Variants in PDE11A observed in about 807,000 individuals in gnomAD.
PDE11A encodes phosphodiesterase 11A.
In PDE11A, 100 loss-of-function variants were observed where a neutral mutation model predicts 100.5. That is an observed-to-expected ratio of 1.00 (90% CI 0.85 to 1.18). The LOEUF (loss-of-function observed/expected upper bound fraction) is 1.18, where lower values mean the gene tolerates loss of function less well. PDE11A is among the 50% of genes most tolerant of loss of function. The pLI is 0.00. For missense variants in PDE11A, 1,141 were observed against 1,152.6 expected (o/e 0.99, Z 0.15); for synonymous variants, 381 against 420.8 (o/e 0.91, Z 1.16).
At chr2:177,876,003 T>G in intron 4 of PDE11A, 80 bp from the exon 5 acceptor site, 1 of 837,622 alleles carries the variant, frequency 1.2e-6, no homozygotes, top group Non-Finnish European at 2.1e-6. Context: ...CATTTTCATC[T>G]TTATAATGAT....
intron 6 of PDE11A, among the ~76,000 whole-genome samples, chr2:177,820,590 G>A (rs1201416496): frequency 1.3e-5 from 2 of 151,824 alleles, no homozygotes; most frequent in Non-Finnish European, 2.9e-5. Flanking sequence ...TCTTGATCAT[G>A]ACCACACCAC....
intron 5 of PDE11A, among the ~76,000 whole-genome samples, chr2:177,845,584 C>T (rs1263806505): frequency 2.7e-5 from 4 of 149,372 alleles, no homozygotes; most frequent in Admixed American, 1.3e-4. Flanking sequence ...ACATCTCAGA[C>T]GATGGGTGGC....
At chr2:177,870,944 T>C (rs930565299) in intron 5 of PDE11A, among the ~76,000 whole-genome samples, 1 of 152,200 alleles carries the variant, frequency 6.6e-6, no homozygotes, top group Admixed American at 6.5e-5. Context: ...GAACCTCTTT[T>C]AGTTCTAATT....
rs1052765910 is a variant in PDE11A at position 177,773,024 on chromosome 2, A to C, written c.1738-3651T>G. Among the ~76,000 whole-genome samples the C allele has an allele frequency of 1.6e-4, 24 of 151,904 alleles. No homozygotes were observed. The East Asian group carries it at 3.1e-3, about 20-fold the overall frequency. ...TTAAATTGCTATCGTTTCACATATT[A>C]TTTCTTTCTTTTTTTTTGAAGAGTC... On this transcript the variant is annotated intron_variant, in intron 9 of 19. Transcript: ENST00000286063.
At position 177,675,389 on chromosome 2, in the gene PDE11A, A is replaced by C. The variant is rs534808435; in HGVS notation, c.2487+66T>G. 90 of 1,093,100 alleles carry C rather than the reference A, an allele frequency of 8.2e-5. 1 individual carries two copies. In the South Asian group the frequency reaches 9.9e-4, roughly 12 times the overall value. 67.7% of individuals were successfully genotyped at this position (1,093,100 alleles called of 1,614,324 possible). On this transcript the variant is annotated intron_variant, in intron 17 of 19. Transcript: ENST00000286063. ...GTGCCTGGTAGTCAGGGCTCTGGGA[A>C]TATTGTGTCCCCCTTACGCCCCCCA...
At position 178,072,356 on chromosome 2, in the gene PDE11A, G is replaced by T. The variant is rs1427410936; in HGVS notation, c.82C>A (p.Arg28=). 4.3e-6 allele frequency: 7 copies of T among 1,613,784 alleles called. No individual in the cohort carries two copies. The African/African-American group carries it at 5.3e-5, about 12-fold the overall frequency. ...TCAACCATCTCCTGCTTCCCCTTCC[G>T]CATCAAGTAATCTTCAAACAACTCT... ...HPELFEDYLM[R]KGKQEMVEKW... is the part of the protein sequence containing the mutation. Residue 28 remains arginine (R), a synonymous_variant, in exon 1 of 20, where the codon CGG becomes AGG. Transcript: ENST00000286063.
At chr2:177,653,153 G>GAGA (rs1392684582) in intron 19 of PDE11A, among the ~76,000 whole-genome samples, 1 of 152,192 alleles carries the variant, frequency 6.6e-6, no homozygotes, top group Non-Finnish European at 1.5e-5. Context: ...TGTTTCCCTA[G>GAGA]AGAAGATTCC....
intron 2 of PDE11A, among the ~76,000 whole-genome samples, chr2:177,960,868 T>C (rs538876878): frequency 6.6e-6 from 1 of 152,184 alleles, no homozygotes; most frequent in African/African-American, 2.4e-5. Context: ...TCCATACATA[T>C]CCTAATGTTG....
intron 2 of PDE11A, among the ~76,000 whole-genome samples, chr2:177,993,480 T>A (rs2086029143): frequency 6.6e-6 from 1 of 152,208 alleles, no homozygotes; most frequent in Non-Finnish European, 1.5e-5. Flanking sequence ...TTCTTAAAAT[T>A]TTTCTGTAAG....
rs768902946 is a variant in PDE11A at position 178,072,226 on chromosome 2, C to G, written c.212G>C (p.Ser71Thr). Residue 71 changes from serine to threonine, a missense_variant, in exon 1 of 20, where the codon AGC becomes ACC. By Grantham distance (58) the Ser-to-Thr change is moderately conservative. Coordinates refer to ENST00000286063, the MANE Select transcript of PDE11A (RefSeq NM_016953.4). The stretch of plus-strand genomic sequence containing the variant: ...ATTTGGTCCAGTGCCACCACCAACG[C>G]TGCTGCCACCTCTGCAGGTGCTGTG... ...LAHSTCRGGS[S>T]VGGGTGPNGS... 6 of 1,613,660 alleles carry G rather than the reference C, an allele frequency of 3.7e-6. No individual in the cohort carries two copies. Among genetic ancestry groups the G allele is most frequent in the Non-Finnish European group, 5.1e-6 (6 of 1,179,736 alleles).
intron 1 of PDE11A, among the ~76,000 whole-genome samples, chr2:178,016,098 G>A (rs937031486): frequency 1.1e-4 from 16 of 150,222 alleles, no homozygotes; most frequent in African/African-American, 3.7e-4. Flanking sequence ...CCAAGTAGCT[G>A]GGACTACAGA....
chr2:177,825,244 C>T (rs1356722004), intron 6 of PDE11A, among the ~76,000 whole-genome samples: 1 of 152,098 alleles, frequency 6.6e-6, no homozygotes, highest in Non-Finnish European at 1.5e-5. Context: ...CTATTCAGAG[C>T]TGGAGTCTTG....
chr2:177,629,427 C>T lies in PDE11A; in HGVS notation c.2782G>A (p.Ala928Thr). 1 of 1,599,578 alleles carries T rather than the reference C, an allele frequency of 6.3e-7. No individual in the cohort carries two copies. ...GAGGTTTAGTTCCTGTCTTCCTTGGCTACCATAACACTGGCAGGGGAGGAT... is the reference window on the plus strand; with the variant it reads ...GAGGTTTAGTTCCTGTCTTCCTTGGTTACCATAACACTGGCAGGGGAGGAT... ...ASSSPASVMV[A>T]KEDRN The change falls in exon 20 of 20, where the codon GCC becomes ACC. Residue 928 changes from alanine (A) to threonine (T), a missense_variant. Ala to Thr is a moderately conservative substitution (Grantham distance 58). Coordinates refer to ENST00000286063, the MANE Select transcript of PDE11A (RefSeq NM_016953.4).
At chr2:178,014,567 C>A in intron 1 of PDE11A, 107 bp from the exon 2 acceptor site, 1 of 834,222 alleles carries the variant, frequency 1.2e-6, no homozygotes, top group Admixed American at 2.0e-5. Flanking sequence ...GAACTAGCCC[C>A]ATGAATTTTT....
chr2:177,628,164 A>C lies in PDE11A; in HGVS notation c.*1243T>G, dbSNP rs969749452. 3.3e-5 allele frequency: 5 copies of C among 152,634 alleles called. No individual in the cohort carries two copies. Among genetic ancestry groups the C allele is most frequent in the Admixed American group, 6.5e-5 (1 of 15,290 alleles). The allele number at this position is 152,634 out of a possible 1,614,324, so 9.5% of individuals were successfully genotyped here. A position where few individuals can be genotyped will look rare whatever the true frequency, so the allele number is the denominator to read the frequency against. On this transcript the variant is annotated 3_prime_UTR_variant, in exon 20 of 20. Coordinates refer to ENST00000286063, the MANE Select transcript of PDE11A (RefSeq NM_016953.4). ...TGTTCGAGAATCGTTTCCTAGTGTAATCTAATTTGACAAATAAGGAAACAA... is the reference window on the plus strand; with the variant it reads ...TGTTCGAGAATCGTTTCCTAGTGTACTCTAATTTGACAAATAAGGAAACAA...
At chr2:177,750,919 TG>T (rs1163071373) in intron 10 of PDE11A, among the ~76,000 whole-genome samples, 2 of 152,196 alleles carry the variant, frequency 1.3e-5, no homozygotes, top group Non-Finnish European at 2.9e-5. Context: ...CAGAATCGCC[TG>T]GGGGCTTAAA....
At chr2:178,091,315 T>G (rs907682815) in intron 2 of PDE11A, among the ~76,000 whole-genome samples, 2 of 152,116 alleles carry the variant, frequency 1.3e-5, no homozygotes, top group Non-Finnish European at 2.9e-5. Context: ...AAGCGATCTG[T>G]GCACCTCGGC....
intron 6 of PDE11A, among the ~76,000 whole-genome samples, chr2:177,832,851 A>T (rs149794632): frequency 9.5e-4 from 144 of 152,302 alleles, no homozygotes; most frequent in African/African-American, 3.3e-3. Flanking sequence ...TGCAGACAGC[A>T]CACTCCAAGG....
At chr2:177,637,997 ATTTTTT>A (rs10556235) in intron 19 of PDE11A, among the ~76,000 whole-genome samples, 1 of 106,536 alleles carries the variant, frequency 9.4e-6, no homozygotes, top group African/African-American at 4.0e-5. Flanking sequence ...ATATATATAT[ATTTTTT>A]TTTTTTTTTT....
Sources: allele counts gnomAD v4.1 joint callset (sites outside exome capture counted in the v4.1 genomes callset), GRCh38; gene constraint gnomAD v4.1.1; transcripts MANE v1.5; gene names NCBI Gene and HGNC (gene_info 2026-07-23, HGNC 2026-07-21).